SLC2A12: variants seen among roughly 807,000 people sequenced by gnomAD.
SLC2A12 encodes the protein solute carrier family 2 member 12.
A neutral mutation model predicts 41.8 loss-of-function variants in SLC2A12; 23 were observed. The observed-to-expected ratio is 0.55, with a 90% CI of 0.40 to 0.78. SLC2A12 has a LOEUF of 0.78. SLC2A12 is among the 30% of genes least tolerant of loss of function. The pLI, the probability that SLC2A12 is intolerant of heterozygous loss-of-function variation, is 0.00. For missense variants in SLC2A12, 654 were observed against 745.6 expected (o/e 0.88, Z 1.43); for synonymous variants, 295 against 285.9 (o/e 1.03, Z -0.32).
intron 1 of SLC2A12, among the ~76,000 whole-genome samples, chr6:134,031,591 G>A (rs1235734563): frequency 6.6e-6 from 1 of 152,170 alleles, no homozygotes; most frequent in Non-Finnish European, 1.5e-5. Context: ...GATGTAGAGG[G>A]CATTGTACTA....
intron 1 of SLC2A12, among the ~76,000 whole-genome samples, chr6:134,045,999 C>G (rs1777450430): frequency 6.6e-6 from 1 of 152,138 alleles, no homozygotes; most frequent in African/African-American, 2.4e-5. Context: ...GCTTAGTTTC[C>G]CAATATAAAT....
intron 3 of SLC2A12, among the ~76,000 whole-genome samples, chr6:134,005,817 GT>G (rs1776806255): frequency 6.6e-6 from 1 of 151,648 alleles, no homozygotes; most frequent in African/African-American, 2.4e-5. Flanking sequence ...TTGTGGATTG[GT>G]TTCTCTTTCT....
chr6:134,051,619 T>A (rs1447930981), intron 1 of SLC2A12, among the ~76,000 whole-genome samples: 3 of 152,188 alleles, frequency 2.0e-5, no homozygotes, highest in Non-Finnish European at 4.4e-5. Context: ...AAGCGTACAA[T>A]GTATTTGTGG....
intron 1 of SLC2A12, among the ~76,000 whole-genome samples, chr6:134,031,870 A>G (rs1777213234): frequency 1.3e-5 from 2 of 152,192 alleles, no homozygotes; most frequent in Admixed American, 6.5e-5. Flanking sequence ...AATGGGTGAG[A>G]TCACTTAGGA....
intron 3 of SLC2A12, among the ~76,000 whole-genome samples, chr6:134,003,802 A>G (rs998448064): frequency 1.3e-5 from 2 of 152,200 alleles, no homozygotes; most frequent in African/African-American, 4.8e-5. Flanking sequence ...CAATGCTACA[A>G]TTGTGTCATG....
intron 1 of SLC2A12, among the ~76,000 whole-genome samples, chr6:134,051,031 C>A (rs1303220350): frequency 6.6e-6 from 1 of 152,162 alleles, no homozygotes; most frequent in Admixed American, 6.5e-5. Flanking sequence ...TCTTGTACCT[C>A]AGCCTCCTGA....
At chr6:134,045,486 C>A (rs1369578370) in intron 1 of SLC2A12, among the ~76,000 whole-genome samples, 5 of 152,170 alleles carry the variant, frequency 3.3e-5, no homozygotes, top group African/African-American at 1.2e-4. Flanking sequence ...AATTAGTTAC[C>A]GGCTAGACTT....
At chr6:134,038,640 C>T (rs1777338025) in intron 1 of SLC2A12, among the ~76,000 whole-genome samples, 1 of 149,168 alleles carries the variant, frequency 6.7e-6, no homozygotes, top group South Asian at 2.1e-4. Flanking sequence ...GGATTATAGA[C>T]GTGAGCCACC....
Position 134,028,471 on chromosome 6 carries a change from C to T in SLC2A12, c.1354G>A (p.Asp452Asn), listed in dbSNP as rs1397106435. The T allele has an allele frequency of 1.2e-6, 2 of 1,614,218 alleles. No individual in the cohort carries two copies. The highest frequency in any genetic ancestry group is 2.2e-5 in the South Asian group (2 of 91,072). ...LSHTEYQIVTDPGDVPAFLKW... is the reference protein window; with the variant it reads ...LSHTEYQIVTNPGDVPAFLKW... The stretch of plus-strand genomic sequence containing the variant: ...AAAAAAGCTGGGACGTCCCCAGGGT[C>T]TGTGACTATCTGGTATTCAGTGTGG... Residue 452 changes from aspartate to asparagine, a missense_variant, in exon 2 of 5, where the codon GAC (aspartate) becomes AAC (asparagine). This residue lies in a region of SLC2A12 where 411 missense variants were observed against 412.1 expected (regional missense o/e 1.00). Coordinates refer to ENST00000275230, the MANE Select transcript of SLC2A12 (RefSeq NM_145176.3).
intron 1 of SLC2A12, among the ~76,000 whole-genome samples, chr6:134,032,449 A>ATATATATTT (rs1562201692): frequency 1.6e-4 from 5 of 31,974 alleles, no homozygotes; most frequent in African/African-American, 6.6e-4. Context: ...TATATATATA[A>ATATATATTT]ATATATATAT....
At position 133,991,412 on chromosome 6, in the gene SLC2A12, C is replaced by T. The variant is rs139379842; in HGVS notation, c.1701-104G>A. 534 of 1,253,062 alleles carry T rather than the reference C, an allele frequency of 4.3e-4. 3 individuals carry two copies. The East Asian group carries it at 0.011, about 26-fold the overall frequency. The allele number at this position is 1,253,062 out of a possible 1,614,324, so 77.6% of individuals were successfully genotyped here. On this transcript the variant is annotated intron_variant, in intron 4 of 4. Transcript: ENST00000275230. ...CCACCCTGGGGCTTTAATGTTTTAG[C>T]TATGCAAAAATAAATACACATTTTT...
chr6:134,006,185 A>C (rs571380381), intron 3 of SLC2A12, among the ~76,000 whole-genome samples: 44 of 139,804 alleles, frequency 3.1e-4, no homozygotes, highest in Middle Eastern at 3.6e-3. Context: ...GGAAAAAAAA[A>C]AAAAAAACAA....
chr6:134,019,694 C>T (rs1278292134), intron 2 of SLC2A12, among the ~76,000 whole-genome samples: 1 of 152,104 alleles, frequency 6.6e-6, no homozygotes, highest in East Asian at 1.9e-4. Flanking sequence ...GCCTATGGAC[C>T]CCTTCTTAGA....
intron 1 of SLC2A12, among the ~76,000 whole-genome samples, chr6:134,029,987 G>A (rs1777179633): frequency 6.6e-6 from 1 of 152,164 alleles, no homozygotes; most frequent in African/African-American, 2.4e-5. Context: ...TTTTGGTTTA[G>A]ATCAGACAGT....
chr6:134,032,692 G>A (rs1777236356), intron 1 of SLC2A12, among the ~76,000 whole-genome samples: 1 of 133,652 alleles, frequency 7.5e-6, no homozygotes, highest in Non-Finnish European at 1.6e-5. Flanking sequence ...GTCCATTCGG[G>A]GTTTTGAATT....
intron 2 of SLC2A12, among the ~76,000 whole-genome samples, chr6:134,012,512 G>A (rs1015700225): frequency 2.6e-5 from 4 of 152,148 alleles, no homozygotes; most frequent in Non-Finnish European, 5.9e-5. Context: ...TAAGCCAACA[G>A]CTAACATTTT....
chr6:134,050,187 A>C (rs1773655377), intron 1 of SLC2A12, among the ~76,000 whole-genome samples: 1 of 152,248 alleles, frequency 6.6e-6, no homozygotes, highest in Admixed American at 6.5e-5. Context: ...AGTCTGCACT[A>C]TGCATTCATT....
At position 134,002,149 on chromosome 6, in the gene SLC2A12, T is replaced by C. The variant is rs1434972673; in HGVS notation, c.1568-20A>G. 6.3e-7 allele frequency: 1 copy of C among 1,589,062 alleles called. No individual in the cohort carries two copies. Among genetic ancestry groups the C allele is most frequent in the Non-Finnish European group, 8.5e-7 (1 of 1,172,500 alleles). ...TAAGATCTATAAAGGACAAAAGAAA[T>C]TGATTAGAAATGTGTTTTGTGTAGC... On this transcript the variant is annotated intron_variant, in intron 3 of 4. Coordinates refer to ENST00000275230, the MANE Select transcript of SLC2A12 (RefSeq NM_145176.3).
intron 2 of SLC2A12, 33 bp from the exon 3 acceptor site, chr6:134,006,967 C>A (rs747906235): frequency 4.3e-6 from 7 of 1,611,914 alleles, no homozygotes; most frequent in Middle Eastern, 1.7e-4. Flanking sequence ...TGGCGGACAG[C>A]ACATTTAGCA....
Sources: gnomAD v4.1 joint callset for allele counts (sites outside exome capture counted in the v4.1 genomes callset) on GRCh38, gnomAD v4.1.1 for gene constraint, gnomAD v4.1.1 regional missense constraint, MANE v1.5 for transcripts, NCBI Gene and HGNC (gene_info 2026-07-23, HGNC 2026-07-21) for gene names.